DOCK8: variants seen among roughly 807,000 people sequenced by gnomAD.
The protein encoded by DOCK8 is dedicator of cytokinesis 8.
DOCK8 carries 141 observed loss-of-function variants against 245.6 expected under a neutral mutation model. The observed-to-expected ratio is 0.57, with a 90% CI of 0.50 to 0.66. The LOEUF (loss-of-function observed/expected upper bound fraction) is 0.66. Ranked by LOEUF, DOCK8 falls within the 30% of genes least tolerant of loss-of-function variation. The pLI is 0.00. For missense variants in DOCK8, 2,965 were observed against 2,603.4 expected, an observed-to-expected ratio of 1.14 and a Z score of -3.02; for synonymous variants, 1,168 against 970.2, an observed-to-expected ratio of 1.20 and a Z score of -3.79.
intron 16 of DOCK8, 94 bp from the exon 17 acceptor site, chr9:371,334 A>T: frequency 6.7e-7 from 1 of 1,496,322 alleles, no homozygotes; most frequent in Non-Finnish European, 9.3e-7. Flanking sequence ...ACACCAGGCA[A>T]ATTCTGAGGA....
Position 420,561 on chromosome 9 carries a change from G to T in DOCK8, c.4001G>T (p.Cys1334Phe). Reference sequence around the variant, plus strand: ...AGGATTTTAGATCTACTTTTCATCTGTGTGTTATGTTTTGAGTATAAGGTA... The same window carrying T: ...AGGATTTTAGATCTACTTTTCATCTTTGTGTTATGTTTTGAGTATAAGGTA... ...LNRILDLLFICVLCFEYKGKQ... is the reference protein window; with the variant it reads ...LNRILDLLFIFVLCFEYKGKQ... Residue 1334 changes from cysteine (C) to phenylalanine (F), a missense_variant, in exon 31 of 48, where the codon TGT becomes TTT. Physicochemically the swap from Cys to Phe is radical, Grantham distance 205. Coordinates refer to ENST00000432829, the MANE Select transcript of DOCK8 (RefSeq NM_203447.4). 6.2e-7 allele frequency: 1 copy of T among 1,614,126 alleles called. No individual in the cohort carries two copies. Among genetic ancestry groups the T allele is most frequent in the Admixed American group, 1.7e-5 (1 of 60,022 alleles).
chr9:228,509 G>A (rs533596783), intron 1 of DOCK8, among the ~76,000 whole-genome samples: 2 of 152,144 alleles, frequency 1.3e-5, no homozygotes, highest in Admixed American at 6.5e-5. Flanking sequence ...ACAGGAAAGA[G>A]TACTTTTATA....
rs748591096 is a variant in DOCK8 at position 439,280 on chromosome 9, C to T, written c.5115C>T (p.Val1705=). 6.2e-7 allele frequency: 1 copy of T among 1,614,182 alleles called. No individual in the cohort carries two copies. The highest frequency in any genetic ancestry group is 2.2e-5 in the East Asian group (1 of 44,880). Residue 1705 remains valine (V), a synonymous_variant, in exon 40 of 48, where the codon GTC becomes GTT. Coordinates refer to ENST00000432829, the MANE Select transcript of DOCK8 (RefSeq NM_203447.4). ...CCAATGTGCTGGAGGAGTCTGTGGT[C>T]TCTGAGGACACCCTGTCACCTGACG... ...ISSNVLEESV[V]SEDTLSPDED... is the part of the protein sequence containing the mutation.
intron 8 of DOCK8, among the ~76,000 whole-genome samples, chr9:326,017 C>T (rs1373675900): frequency 6.6e-6 from 1 of 152,168 alleles, no homozygotes; most frequent in African/African-American, 2.4e-5. Flanking sequence ...ATAAAACAAA[C>T]CCATTTAAAT....
At chr9:325,216 G>A (rs947815831) in intron 7 of DOCK8, among the ~76,000 whole-genome samples, 4 of 152,142 alleles carry the variant, frequency 2.6e-5, no homozygotes, top group Admixed American at 1.3e-4. Context: ...CTACTCATTG[G>A]TTGGTGGGCA....
intron 18 of DOCK8, among the ~76,000 whole-genome samples, chr9:375,350 G>C (rs556737324): frequency 6.6e-6 from 1 of 152,244 alleles, no homozygotes; most frequent in Admixed American, 6.5e-5. Flanking sequence ...GACCTACGAA[G>C]GTAATGATAT....
intron 1 of DOCK8, among the ~76,000 whole-genome samples, chr9:239,440 A>G (rs540874825): frequency 2.6e-5 from 4 of 152,220 alleles, no homozygotes; most frequent in Non-Finnish European, 5.9e-5. Flanking sequence ...CCACTTAAGT[A>G]ATGTATGCAA....
intron 1 of DOCK8, among the ~76,000 whole-genome samples, chr9:217,222 C>T (rs1462281250): frequency 6.6e-6 from 1 of 152,060 alleles, no homozygotes; most frequent in African/African-American, 2.4e-5. Flanking sequence ...TTCTTAGTTG[C>T]CATCATTAAC....
At chr9:350,667 A>G (rs1053153357) in intron 14 of DOCK8, among the ~76,000 whole-genome samples, 4 of 152,198 alleles carry the variant, frequency 2.6e-5, no homozygotes, top group African/African-American at 4.8e-5. Flanking sequence ...ACAAACATCA[A>G]ATTAGTGGTT....
intron 14 of DOCK8, among the ~76,000 whole-genome samples, chr9:354,537 A>T (rs1179982188): frequency 6.6e-6 from 1 of 152,218 alleles, no homozygotes; most frequent in East Asian, 1.9e-4. Flanking sequence ...TCACAAGTTT[A>T]TGTAGGTTAC....
intron 24 of DOCK8, among the ~76,000 whole-genome samples, chr9:393,911 C>G (rs1449022330): frequency 6.6e-6 from 1 of 152,148 alleles, no homozygotes; most frequent in Admixed American, 6.5e-5. Context: ...TTGGTGAGAG[C>G]CCCCAGGGTA....
chr9:259,061 A>G (rs12001405), intron 1 of DOCK8, among the ~76,000 whole-genome samples: 13,498 of 152,206 alleles, frequency 0.089, 651 homozygotes, highest in South Asian at 0.12. Context: ...AATCCCAGCA[A>G]TTTGGGAGGC....
At position 307,354 on chromosome 9, in the gene DOCK8, T is replaced by G. The variant is rs77665855; in HGVS notation, c.528+2650T>G. 6.6e-3 allele frequency among the ~76,000 whole-genome samples: 570 copies of G among 86,208 alleles called. 2 individuals carry two copies. Among genetic ancestry groups the G allele is most frequent in the South Asian group, 0.013 (29 of 2,226 alleles). 56.6% of individuals were successfully genotyped at this position (86,208 alleles called of 152,430 possible). A position where few individuals can be genotyped will look rare whatever the true frequency, so the allele number is the denominator to read the frequency against. ...GTTTTTTTTGTTTTTTTTTTTTTTTTTTTTTTTTTTTTTTTTTTTTTTGAG... is the reference window on the plus strand; with the variant it reads ...GTTTTTTTTGTTTTTTTTTTTTTTTGTTTTTTTTTTTTTTTTTTTTTTGAG... On this transcript the variant is annotated intron_variant, in intron 5 of 47. Coordinates refer to ENST00000432829, the MANE Select transcript of DOCK8 (RefSeq NM_203447.4).
chr9:215,922 T>C, intron 1 of DOCK8, among the ~76,000 whole-genome samples: 1 of 152,218 alleles, frequency 6.6e-6, no homozygotes, highest in East Asian at 1.9e-4. Flanking sequence ...TGTCAACTTA[T>C]TCTATTGCCC....
At position 414,971 on chromosome 9, in the gene DOCK8, C is replaced by A. The variant is rs1350168442; in HGVS notation, c.3700+20C>A. ...TTACAGGTAATGGCCCTTCTGTTTT[C>A]TTTCTTGGATTGTTGGGGGCCCCTG... On this transcript the variant is annotated intron_variant, in intron 29 of 47. Transcript: ENST00000432829. 1.9e-5 allele frequency: 31 copies of A among 1,612,330 alleles called. No individual in the cohort carries two copies. The Admixed American group carries it at 3.2e-4, about 16-fold the overall frequency.
At chr9:219,555 A>T (rs1456030632) in intron 1 of DOCK8, among the ~76,000 whole-genome samples, 1 of 152,200 alleles carries the variant, frequency 6.6e-6, no homozygotes, top group Admixed American at 6.5e-5. Flanking sequence ...GAAAGACAAA[A>T]ACAAGGTGGC....
At chr9:306,958 A>G (rs2049862816) in intron 5 of DOCK8, among the ~76,000 whole-genome samples, 2 of 152,184 alleles carry the variant, frequency 1.3e-5, no homozygotes, top group African/African-American at 4.8e-5. Context: ...CACGCCTCAC[A>G]GGAGGAGAAA....
chr9:387,449 A>G (rs2054002220), intron 23 of DOCK8, among the ~76,000 whole-genome samples: 1 of 151,936 alleles, frequency 6.6e-6, no homozygotes, highest in Non-Finnish European at 1.5e-5. Context: ...TTTCAAAAAA[A>G]AAAAAAAAGA....
intron 2 of DOCK8, among the ~76,000 whole-genome samples, chr9:278,110 G>A (rs2048429597): frequency 1.3e-5 from 2 of 152,224 alleles, no homozygotes; most frequent in Admixed American, 6.5e-5. Context: ...ATTCACAATG[G>A]AAGATAAAAG....
Sources: allele counts gnomAD v4.1 joint callset (sites outside exome capture counted in the v4.1 genomes callset), GRCh38; gene constraint gnomAD v4.1.1; transcripts MANE v1.5; gene names NCBI Gene and HGNC (gene_info 2026-07-23, HGNC 2026-07-21).